SLC39A11: variants seen among roughly 807,000 people sequenced by gnomAD.
The protein encoded by SLC39A11 is solute carrier family 39 member 11, also known as zinc transporter ZIP11.
Under a neutral mutation model 36.1 loss-of-function variants are expected in SLC39A11, and 33 were observed. That is an observed-to-expected ratio of 0.91 (90% CI 0.69 to 1.22). The LOEUF is 1.22. Ranked by LOEUF, SLC39A11 falls within the 50% of genes most tolerant of loss-of-function variation. The probability of loss-of-function intolerance (pLI) is 0.00; values close to 1 mark genes in which losing one functional copy is unlikely to be tolerated. For synonymous variants in SLC39A11, 166 were observed against 170.3 expected (o/e 0.97, Z 0.20); for missense variants, 432 against 430.3 (o/e 1.00, Z -0.03).
At chr17:72,775,543 C>T (rs2076103163) in intron 6 of SLC39A11, among the ~76,000 whole-genome samples, 1 of 152,158 alleles carries the variant, frequency 6.6e-6, no homozygotes. Context: ...AGAAGATCTA[C>T]ATGCTCTCCT....
At chr17:72,824,529 G>T (rs1393018651) in intron 6 of SLC39A11, among the ~76,000 whole-genome samples, 1 of 151,390 alleles carries the variant, frequency 6.6e-6, no homozygotes, top group Non-Finnish European at 1.5e-5. Flanking sequence ...TTGGAACTGG[G>T]TAAAAGGCAG....
intron 4 of SLC39A11, among the ~76,000 whole-genome samples, chr17:72,986,252 C>G (rs1457645626): frequency 6.6e-6 from 1 of 152,200 alleles, no homozygotes; most frequent in East Asian, 1.9e-4. Flanking sequence ...GGCTGTGGAG[C>G]TAGCTTTGAA....
intron 7 of SLC39A11, among the ~76,000 whole-genome samples, chr17:72,712,322 A>C (rs2073138600): frequency 6.6e-6 from 1 of 152,236 alleles, no homozygotes; most frequent in South Asian, 2.1e-4. Flanking sequence ...GGGGGATAAC[A>C]CAGTCAACCT....
chr17:73,027,768 C>T (rs1411834016), intron 4 of SLC39A11, among the ~76,000 whole-genome samples: 7 of 152,180 alleles, frequency 4.6e-5, no homozygotes, highest in South Asian at 2.1e-4. Context: ...GTGGCTCTGA[C>T]GCTCCCAGGC....
intron 4 of SLC39A11, among the ~76,000 whole-genome samples, chr17:73,028,594 C>T (rs2058638237): frequency 6.6e-6 from 1 of 152,106 alleles, no homozygotes; most frequent in African/African-American, 2.4e-5. Flanking sequence ...CTTTTTAAAT[C>T]TCCTAGAACA....
In SLC39A11 at chr17:72,906,488, G is replaced by C. The variant is rs115667456; in HGVS notation, c.430+41264C>G. Among the ~76,000 whole-genome samples, 973 of 152,346 alleles carry C rather than the reference G, an allele frequency of 6.4e-3. 9 individuals carry two copies. Among genetic ancestry groups the C allele is most frequent in the African/African-American group, 0.023 (939 of 41,584 alleles). Reference sequence around the variant, plus strand: ...CAGTTGGAAACAGTGGACAAGTGCTGGCACAGAGAGCTGGGGAGGTGGATG... The same window carrying C: ...CAGTTGGAAACAGTGGACAAGTGCTCGCACAGAGAGCTGGGGAGGTGGATG... On this transcript the variant is annotated intron_variant, in intron 5 of 9. Coordinates refer to ENST00000255559, the MANE Select transcript of SLC39A11 (RefSeq NM_139177.4).
intron 6 of SLC39A11, among the ~76,000 whole-genome samples, chr17:72,738,937 G>A (rs865971321): frequency 2.6e-5 from 4 of 152,126 alleles, no homozygotes; most frequent in African/African-American, 9.7e-5. Flanking sequence ...CTTATCCCAT[G>A]TTCAGGTGAA....
intron 7 of SLC39A11, 115 bp downstream of exon 7, chr17:72,736,529 TTGGTCC>T: frequency 1.2e-6 from 1 of 824,348 alleles, no homozygotes. Context: ...TCCATCAGTC[TTGGTCC>T]TGTGGGGCTG....
intron 7 of SLC39A11, among the ~76,000 whole-genome samples, chr17:72,711,325 G>C (rs1223351164): frequency 1.3e-5 from 2 of 152,174 alleles, no homozygotes; most frequent in Non-Finnish European, 2.9e-5. Context: ...GAAAAGACGG[G>C]TGCAACTTCC....
intron 4 of SLC39A11, among the ~76,000 whole-genome samples, chr17:73,015,354 G>C (rs2090749942): frequency 1.3e-5 from 2 of 151,966 alleles, no homozygotes; most frequent in Non-Finnish European, 2.9e-5. Flanking sequence ...CTATTATCTG[G>C]TGCCAGATTA....
chr17:72,740,117 C>T (rs1200927058), intron 6 of SLC39A11, among the ~76,000 whole-genome samples: 3 of 124,618 alleles, frequency 2.4e-5, no homozygotes, highest in African/African-American at 9.5e-5. Flanking sequence ...GGCTGGAGTG[C>T]AGTGGCGCCA....
At chr17:72,822,637 G>A (rs1169830711) in intron 6 of SLC39A11, among the ~76,000 whole-genome samples, 1 of 151,218 alleles carries the variant, frequency 6.6e-6, no homozygotes, top group East Asian at 1.9e-4. Flanking sequence ...GGGAGAGAAG[G>A]GTGATTTGAG....
intron 3 of SLC39A11, among the ~76,000 whole-genome samples, chr17:73,056,682 G>A (rs2059680650): frequency 6.6e-6 from 1 of 152,160 alleles, no homozygotes. Flanking sequence ...GATCTGGTAG[G>A]TGGGGAAGGT....
At position 72,891,026 on chromosome 17, in the gene SLC39A11, C is replaced by T. The variant is rs367815516; in HGVS notation, c.431-41222G>A. 1.5e-4 allele frequency among the ~76,000 whole-genome samples: 22 copies of T among 150,668 alleles called. No homozygotes were observed. In the East Asian group the frequency reaches 2.9e-3, roughly 20 times the overall value. On this transcript the variant is annotated intron_variant, in intron 5 of 9. Coordinates refer to ENST00000255559, the MANE Select transcript of SLC39A11 (RefSeq NM_139177.4). ...GTGGAAAGTGAAGAAATGCAAATAGCTCTCACGTACCTGTATTTTCCAAAG... is the reference window on the plus strand; with the variant it reads ...GTGGAAAGTGAAGAAATGCAAATAGTTCTCACGTACCTGTATTTTCCAAAG...
At chr17:72,848,473 A>T (rs1470865177) in intron 6 of SLC39A11, among the ~76,000 whole-genome samples, 1 of 152,156 alleles carries the variant, frequency 6.6e-6, no homozygotes, top group Non-Finnish European at 1.5e-5. Flanking sequence ...TAGTCCCAAC[A>T]CTTTGAGGGG....
chr17:72,769,357 C>A (rs1403039106), intron 6 of SLC39A11, among the ~76,000 whole-genome samples: 1 of 152,110 alleles, frequency 6.6e-6, no homozygotes, highest in South Asian at 2.1e-4. Flanking sequence ...TACAATAGAA[C>A]ATTATTCAAC....
At chr17:72,677,355 G>A (rs1028744808) in intron 7 of SLC39A11, among the ~76,000 whole-genome samples, 3 of 152,222 alleles carry the variant, frequency 2.0e-5, no homozygotes, top group African/African-American at 7.2e-5. Flanking sequence ...GCTGGGCCCT[G>A]CTACATCACA....
intron 4 of SLC39A11, among the ~76,000 whole-genome samples, chr17:72,971,601 C>G (rs1397806649): frequency 6.6e-6 from 1 of 152,168 alleles, no homozygotes; most frequent in Admixed American, 6.5e-5. Flanking sequence ...TTCGAGGAAG[C>G]TTGACTCCCC....
chr17:72,862,579 T>C (rs1242813164), intron 5 of SLC39A11, among the ~76,000 whole-genome samples: 5 of 152,108 alleles, frequency 3.3e-5, no homozygotes, highest in Non-Finnish European at 7.4e-5. Context: ...GGAAAACAAA[T>C]GCCATTCAGC....
Sources: gnomAD v4.1 joint callset for allele counts (sites outside exome capture counted in the v4.1 genomes callset) on GRCh38, gnomAD v4.1.1 for gene constraint, MANE v1.5 for transcripts, NCBI Gene and HGNC (gene_info 2026-07-23, HGNC 2026-07-21) for gene names.